The following PDE4D variants were observed in gnomAD, a reference collection of about 807,000 sequenced individuals.
PDE4D encodes phosphodiesterase 4D, also known as 3',5'-cyclic-AMP phosphodiesterase 4D.
A neutral mutation model predicts 87.4 loss-of-function variants in PDE4D; 24 were observed. That is an observed-to-expected ratio of 0.27 (90% CI 0.20 to 0.39). PDE4D has a LOEUF of 0.39. Among genes scored for constraint, PDE4D ranks in the 10% least tolerant of loss-of-function variants. PDE4D has a pLI of 1.00. For missense variants in PDE4D, 714 were observed against 1,041.0 expected (o/e 0.69, Z 4.32); for synonymous variants, 384 against 383.2 (o/e 1.00, Z -0.02).
chr5:59,115,593 A>T (rs138556241), intron 5 of PDE4D, among the ~76,000 whole-genome samples: 129 of 152,314 alleles, frequency 8.5e-4, no homozygotes, highest in African/African-American at 2.9e-3. Flanking sequence ...GTGAGTGAAC[A>T]TTGTGAACAT....
intron 1 of PDE4D, chr5:59,356,982 C>A: frequency 4.6e-6 from 5 of 1,090,574 alleles, no homozygotes; most frequent in South Asian, 2.7e-5. Context: ...CAGTGGTATG[C>A]GCTGACAGAG....
chr5:60,281,110 C>A (rs933709344), intron 1 of PDE4D, among the ~76,000 whole-genome samples: 3 of 152,130 alleles, frequency 2.0e-5, no homozygotes, highest in Non-Finnish European at 4.4e-5. Flanking sequence ...GCTAAGTCTA[C>A]CCCTCCCTCT....
intron 1 of PDE4D, among the ~76,000 whole-genome samples, chr5:59,870,024 A>G (rs1747594575): frequency 6.6e-6 from 1 of 152,174 alleles, no homozygotes; most frequent in Non-Finnish European, 1.5e-5. Context: ...GCTATGATAG[A>G]TACTTCTGGA....
intron 3 of PDE4D, among the ~76,000 whole-genome samples, chr5:59,980,371 T>C (rs1420893320): frequency 1.1e-4 from 17 of 152,242 alleles, no homozygotes; most frequent in Admixed American, 1.1e-3. Flanking sequence ...CTAGCACTTT[T>C]CACGGTAAAA....
intron 1 of PDE4D, among the ~76,000 whole-genome samples, chr5:59,464,035 T>C (rs573104089): frequency 1.5e-3 from 227 of 152,180 alleles, no homozygotes; most frequent in African/African-American, 5.4e-3. Context: ...TCCTTAAGAG[T>C]CATCACCACT....
intron 1 of PDE4D, among the ~76,000 whole-genome samples, chr5:59,702,145 A>T (rs535638249): frequency 4.6e-4 from 70 of 152,104 alleles, no homozygotes; most frequent in Middle Eastern, 3.4e-3. Flanking sequence ...TTTTTTTGAG[A>T]TGAAGTCTCA....
Position 59,489,907 on chromosome 5 carries a change from A to T in PDE4D, c.456-273939T>A, listed in dbSNP as rs1309336027. Reference sequence around the variant, plus strand: ...CCGTTGTTTTCTTACACATATAGTAATGATAATAGTTATCTAAGATTTCAA... The same window carrying T: ...CCGTTGTTTTCTTACACATATAGTATTGATAATAGTTATCTAAGATTTCAA... On this transcript the variant is annotated intron_variant, in intron 1 of 14. Transcript: ENST00000340635. 7.2e-5 allele frequency among the ~76,000 whole-genome samples: 11 copies of T among 152,164 alleles called. No homozygotes were observed. In the East Asian group the frequency reaches 2.1e-3, roughly 29 times the overall value.
At chr5:60,459,894 ATCT>A (rs1207271438) in intron 1 of PDE4D, 2 of 667,990 alleles carry the variant, frequency 3.0e-6, no homozygotes, top group African/African-American at 1.8e-5. Flanking sequence ...CTTCATCATC[ATCT>A]TCATCTTCAC....
At chr5:59,379,818 G>A (rs756885856) in intron 1 of PDE4D, among the ~76,000 whole-genome samples, 8 of 151,918 alleles carry the variant, frequency 5.3e-5, no homozygotes, top group Non-Finnish European at 1.2e-4. Flanking sequence ...TAAATTAAGA[G>A]GTAGGATTTT....
chr5:59,075,123 C>A (rs902202427), intron 5 of PDE4D, among the ~76,000 whole-genome samples: 5 of 141,226 alleles, frequency 3.5e-5, no homozygotes, highest in African/African-American at 1.3e-4. Context: ...CACACACACA[C>A]AATTTCTTAA....
intron 1 of PDE4D, among the ~76,000 whole-genome samples, chr5:59,507,358 A>G (rs1809443657): frequency 6.6e-6 from 1 of 152,032 alleles, no homozygotes; most frequent in African/African-American, 2.4e-5. Context: ...AACAAAACAA[A>G]ACAATAAAAT....
At chr5:59,806,979 G>A (rs1371295582) in intron 1 of PDE4D, among the ~76,000 whole-genome samples, 1 of 152,188 alleles carries the variant, frequency 6.6e-6, no homozygotes, top group African/African-American at 2.4e-5. Context: ...TATGGAGAAA[G>A]TTATGGAAGT....
intron 1 of PDE4D, among the ~76,000 whole-genome samples, chr5:60,382,646 A>T (rs748692695): frequency 1.1e-4 from 16 of 152,190 alleles, no homozygotes; most frequent in Non-Finnish European, 2.1e-4. Flanking sequence ...ATTTCACCGG[A>T]AGAGGCAGCC....
intron 1 of PDE4D, among the ~76,000 whole-genome samples, chr5:59,574,005 A>AAAAATAT (rs1266408182): frequency 1.6e-4 from 19 of 119,710 alleles, no homozygotes; most frequent in African/African-American, 6.7e-4. Flanking sequence ...CTCAAAAAAA[A>AAAAATAT]ATATATATAT....
intron 1 of PDE4D, among the ~76,000 whole-genome samples, chr5:59,883,590 G>A (rs1225507017): frequency 6.6e-6 from 1 of 152,078 alleles, no homozygotes; most frequent in Non-Finnish European, 1.5e-5. Context: ...AAAAAATGTT[G>A]AAACTGCACA....
chr5:59,859,072 G>T (rs1745885770), intron 1 of PDE4D, among the ~76,000 whole-genome samples: 1 of 152,108 alleles, frequency 6.6e-6, no homozygotes, highest in South Asian at 2.1e-4. Flanking sequence ...AAAAGCATCT[G>T]TTTGTTTAAA....
At chr5:59,639,407 G>A (rs1239671897) in intron 1 of PDE4D, among the ~76,000 whole-genome samples, 3 of 151,958 alleles carry the variant, frequency 2.0e-5, no homozygotes, top group Non-Finnish European at 4.4e-5. Flanking sequence ...TGGGTTGGGG[G>A]AGAGAAAAGA....
chr5:60,021,575 A>G (rs1486556450), intron 2 of PDE4D, among the ~76,000 whole-genome samples: 1 of 152,180 alleles, frequency 6.6e-6, no homozygotes, highest in East Asian at 1.9e-4. Context: ...GGAAAATGAC[A>G]CATTTGAGGG....
At chr5:59,352,661 C>T (rs929156374) in intron 1 of PDE4D, among the ~76,000 whole-genome samples, 2 of 152,070 alleles carry the variant, frequency 1.3e-5, no homozygotes, top group Admixed American at 6.6e-5. Flanking sequence ...GTCTTTACTT[C>T]CTAATAATAT....
Sources: gnomAD v4.1 joint callset for allele counts (sites outside exome capture counted in the v4.1 genomes callset) on GRCh38, gnomAD v4.1.1 for gene constraint, MANE v1.5 for transcripts, NCBI Gene and HGNC (gene_info 2026-07-23, HGNC 2026-07-21) for gene names.